Variants in ZNF503 observed in about 807,000 individuals in gnomAD.
ZNF503 encodes the protein NocA-like zinc finger 2.
Under a neutral mutation model 34.4 loss-of-function variants are expected in ZNF503, and 15 were observed. The ratio of observed to expected loss-of-function variants is 0.44; its 90% CI spans 0.29 to 0.67. ZNF503 has a LOEUF of 0.67. Among genes scored for constraint, ZNF503 ranks in the 30% least tolerant of loss-of-function variants. ZNF503 has a pLI of 0.13. For missense variants in ZNF503, 1,007 were observed against 926.8 expected (o/e 1.09, Z -1.12); for synonymous variants, 580 against 456.8 (o/e 1.27, Z -3.44).
chr10:75,347,337 A>G, the ZNF503 span, among the ~76,000 whole-genome samples: 3 of 152,220 alleles, frequency 2.0e-5, no homozygotes. Context: ...CTTATTTCTC[A>G]CACAAGAAGA....
At chr10:75,365,630 C>A in the ZNF503 span, among the ~76,000 whole-genome samples, 2 of 152,314 alleles carry the variant, frequency 1.3e-5, no homozygotes, top group South Asian at 2.1e-4. Context: ...ATGTCCTAGC[C>A]CCACCACTGC....
At chr10:75,282,826 T>C in the ZNF503 span, among the ~76,000 whole-genome samples, 2 of 152,244 alleles carry the variant, frequency 1.3e-5, no homozygotes, top group African/African-American at 2.4e-5. Flanking sequence ...ACTTGCCTCA[T>C]AGGGTTGTGG....
Position 75,400,225 on chromosome 10 carries a change from C to G in ZNF503, c.465G>C (p.Lys155Asn). 1 of 1,609,294 alleles carries G rather than the reference C, an allele frequency of 6.2e-7. No homozygotes were observed. ...GCTTCAGGGGGCCCGATTTGGTGTCCTTGTCGCCCGCAGCACCGCCGCCGG... is the reference window on the plus strand; with the variant it reads ...GCTTCAGGGGGCCCGATTTGGTGTCGTTGTCGCCCGCAGCACCGCCGCCGG... ...GGAGGGAAGD[K>N]DTKSGPLKLS... Residue 155 changes from lysine (K) to asparagine (N), a missense_variant, in exon 2 of 2, where the codon AAG becomes AAC. Transcript: ENST00000372524.
the ZNF503 span, among the ~76,000 whole-genome samples, chr10:75,312,660 A>G: frequency 6.6e-6 from 1 of 152,236 alleles, no homozygotes; most frequent in African/African-American, 2.4e-5. Context: ...GGGTAAACCC[A>G]AAGAAATCCA....
At chr10:75,319,021 G>A in the ZNF503 span, among the ~76,000 whole-genome samples, 1 of 151,908 alleles carries the variant, frequency 6.6e-6, no homozygotes, top group East Asian at 1.9e-4. Flanking sequence ...GTGCAGCGAT[G>A]CAATCACGGC....
At chr10:75,339,185 C>T in the ZNF503 span, among the ~76,000 whole-genome samples, 7 of 152,204 alleles carry the variant, frequency 4.6e-5, no homozygotes, top group South Asian at 2.1e-4. Context: ...GAGCCGAGAT[C>T]GTGCCATTGC....
At chr10:75,318,471 C>G in the ZNF503 span, among the ~76,000 whole-genome samples, 1 of 151,934 alleles carries the variant, frequency 6.6e-6, no homozygotes. Context: ...GAATTTGATG[C>G]CAGCCTGGGC....
chr10:75,343,614 C>A, the ZNF503 span, among the ~76,000 whole-genome samples: 1 of 152,214 alleles, frequency 6.6e-6, no homozygotes, highest in Admixed American at 6.5e-5. Flanking sequence ...TCTGCAGTGC[C>A]CCTCTTGATG....
chr10:75,355,930 T>C, the ZNF503 span, among the ~76,000 whole-genome samples: 3 of 152,156 alleles, frequency 2.0e-5, no homozygotes, highest in Non-Finnish European at 4.4e-5. Flanking sequence ...GTCTGGTGGA[T>C]GGGGCTGGCT....
At chr10:75,338,770 C>A in the ZNF503 span, among the ~76,000 whole-genome samples, 53 of 152,334 alleles carry the variant, frequency 3.5e-4, no homozygotes, top group African/African-American at 1.2e-3. Flanking sequence ...CTGTGGGAAT[C>A]ATCCATTCTT....
the ZNF503 span, among the ~76,000 whole-genome samples, chr10:75,369,792 T>G: frequency 2.6e-4 from 40 of 152,290 alleles, no homozygotes; most frequent in African/African-American, 8.9e-4. Context: ...GTTATCTTGG[T>G]GGCCGGGCTA....
At chr10:75,372,025 G>T in the ZNF503 span, among the ~76,000 whole-genome samples, 1 of 152,188 alleles carries the variant, frequency 6.6e-6, no homozygotes, top group African/African-American at 2.4e-5. Context: ...CGCCTTCTGG[G>T]TTCAAGCCAT....
At chr10:75,288,930 G>C in the ZNF503 span, among the ~76,000 whole-genome samples, 1 of 152,180 alleles carries the variant, frequency 6.6e-6, no homozygotes, top group African/African-American at 2.4e-5. Context: ...TTGGTTGAGG[G>C]GGGCTGATCT....
the ZNF503 span, among the ~76,000 whole-genome samples, chr10:75,352,390 T>C: frequency 7.6e-6 from 1 of 131,980 alleles, no homozygotes; most frequent in African/African-American, 2.6e-5. Flanking sequence ...TCCTAGCCTG[T>C]TGGGAAGGGC....
the ZNF503 span, among the ~76,000 whole-genome samples, chr10:75,344,257 G>A: frequency 6.6e-6 from 1 of 152,230 alleles, no homozygotes; most frequent in Admixed American, 6.5e-5. Flanking sequence ...GGGCCGTGTG[G>A]CGTGGCAGTT....
chr10:75,291,565 T>G, the ZNF503 span, among the ~76,000 whole-genome samples: 1 of 152,172 alleles, frequency 6.6e-6, no homozygotes, highest in Non-Finnish European at 1.5e-5. Context: ...GAGCTGTGAC[T>G]GCACCACCAC....
chr10:75,332,337 G>T, the ZNF503 span, among the ~76,000 whole-genome samples: 1 of 150,484 alleles, frequency 6.6e-6, no homozygotes, highest in African/African-American at 2.4e-5. Context: ...TTCTCCTTTT[G>T]TTTCAGCTTG....
At position 75,398,026 on chromosome 10, in the gene ZNF503, CTTTTTT is replaced by C. The variant is rs199688202; in HGVS notation, c.*717_*722del. On this transcript the variant is annotated 3_prime_UTR_variant, in exon 2 of 2. Coordinates refer to ENST00000372524, the MANE Select transcript of ZNF503 (RefSeq NM_032772.6). ...TTTTGGAATAGAATTTTTTCTTTTT[CTTTTTT>C]TTTTTGTTGTTTTCTTCCAGAATAC... is the stretch of plus-strand genomic sequence containing the variant. 3.9e-3 allele frequency: 563 copies of C among 145,056 alleles called. 2 individuals carry two copies. Among genetic ancestry groups the C allele is most frequent in the Non-Finnish European group, 6.5e-3 (422 of 65,418 alleles). 9.0% of individuals were successfully genotyped at this position (145,056 alleles called of 1,614,324 possible). A position where few individuals can be genotyped will look rare whatever the true frequency, so the allele number is the denominator to read the frequency against.
At chr10:75,367,744 C>T in the ZNF503 span, among the ~76,000 whole-genome samples, 1 of 152,266 alleles carries the variant, frequency 6.6e-6, no homozygotes, top group Non-Finnish European at 1.5e-5. Context: ...TCCTTATCTC[C>T]TTTGTTCAAA....
Sources: allele counts gnomAD v4.1 joint callset (sites outside exome capture counted in the v4.1 genomes callset), GRCh38; gene constraint gnomAD v4.1.1; transcripts MANE v1.5; gene names NCBI Gene and HGNC (gene_info 2026-07-23, HGNC 2026-07-21).